C8orf34: variants seen among roughly 807,000 people sequenced by gnomAD.
C8orf34 encodes the protein uncharacterized protein C8orf34.
A neutral mutation model predicts 68.3 loss-of-function variants in C8orf34; 65 were observed. That is an observed-to-expected ratio of 0.95 (90% CI 0.78 to 1.17). The LOEUF is 1.17. Ranked by LOEUF, C8orf34 falls within the 50% of genes most tolerant of loss-of-function variation. The pLI is 0.00. For missense variants in C8orf34, 664 were observed against 655.4 expected (o/e 1.01, Z -0.14); for synonymous variants, 244 against 241.2 (o/e 1.01, Z -0.11).
chr8:68,706,521 C>A lies in C8orf34; in HGVS notation c.1242-2473C>A, dbSNP rs554737261. The stretch of plus-strand genomic sequence containing the variant: ...ATGGAGATTTGTTAATATTTGGTTG[C>A]GTAGAAAGTGTTAAGGAGAGTGACA... On this transcript the variant is annotated intron_variant, in intron 8 of 13. Transcript: ENST00000518698. Among the ~76,000 whole-genome samples, 3 of 152,042 alleles carry A rather than the reference C, an allele frequency of 2.0e-5. No individual in the cohort carries two copies. The East Asian group carries it at 5.8e-4, about 29-fold the overall frequency.
At chr8:68,407,446 T>C (rs758537357) in intron 1 of C8orf34, among the ~76,000 whole-genome samples, 20 of 152,140 alleles carry the variant, frequency 1.3e-4, no homozygotes, top group Non-Finnish European at 1.5e-5. Flanking sequence ...GTTTTACTGA[T>C]GAGAAATTTG....
At chr8:68,785,543 A>G (rs1469373116) in intron 11 of C8orf34, among the ~76,000 whole-genome samples, 1 of 152,206 alleles carries the variant, frequency 6.6e-6, no homozygotes, top group African/African-American at 2.4e-5. Flanking sequence ...TGGTCTTACA[A>G]ACTCCACTCA....
intron 12 of C8orf34, among the ~76,000 whole-genome samples, chr8:68,800,624 A>G (rs1759504815): frequency 6.6e-6 from 1 of 152,290 alleles, no homozygotes; most frequent in African/African-American, 2.4e-5. Context: ...ACTACTTCCT[A>G]TAAATGGATT....
chr8:68,593,108 G>A (rs750468410), intron 7 of C8orf34, among the ~76,000 whole-genome samples: 2 of 151,958 alleles, frequency 1.3e-5, no homozygotes, highest in African/African-American at 2.4e-5. Context: ...TCATCAATTG[G>A]AAATATTTGC....
chr8:68,359,682 A>T (rs1005467973), intron 1 of C8orf34, among the ~76,000 whole-genome samples: 5 of 152,174 alleles, frequency 3.3e-5, no homozygotes, highest in African/African-American at 1.2e-4. Flanking sequence ...TAAAGAGCTG[A>T]AAAAACATTG....
chr8:68,540,085 G>A (rs1815643265), intron 7 of C8orf34, among the ~76,000 whole-genome samples: 1 of 151,862 alleles, frequency 6.6e-6, no homozygotes, highest in Non-Finnish European at 1.5e-5. Context: ...TTTTAAAAAT[G>A]TCTTATGTTC....
At chr8:68,475,429 G>T (rs370172998) in intron 4 of C8orf34, among the ~76,000 whole-genome samples, 152 of 152,266 alleles carry the variant, frequency 1.0e-3, no homozygotes, top group African/African-American at 3.4e-3. Flanking sequence ...CACATAACTT[G>T]GTTATGGTTT....
At chr8:68,785,727 A>G (rs1398795393) in intron 11 of C8orf34, among the ~76,000 whole-genome samples, 2 of 152,214 alleles carry the variant, frequency 1.3e-5, no homozygotes, top group Non-Finnish European at 2.9e-5. Context: ...TTATGGTATA[A>G]AATTCTATGG....
intron 12 of C8orf34, among the ~76,000 whole-genome samples, chr8:68,799,923 A>T (rs987353822): frequency 1.9e-4 from 29 of 152,206 alleles, no homozygotes; most frequent in African/African-American, 5.8e-4. Context: ...CAAGAAGGTC[A>T]TATAGGCAAG....
intron 1 of C8orf34, among the ~76,000 whole-genome samples, chr8:68,394,663 A>G (rs968338524): frequency 1.3e-5 from 2 of 152,084 alleles, no homozygotes; most frequent in African/African-American, 4.8e-5. Context: ...GATGAATTTC[A>G]TCTTGATTTG....
At chr8:68,473,483 A>G (rs1198789162) in intron 4 of C8orf34, among the ~76,000 whole-genome samples, 1 of 152,142 alleles carries the variant, frequency 6.6e-6, no homozygotes, top group Admixed American at 6.5e-5. Flanking sequence ...ACCATTTTGA[A>G]CATCCCTAGT....
intron 12 of C8orf34, among the ~76,000 whole-genome samples, chr8:68,806,533 C>T (rs1214255701): frequency 6.6e-6 from 1 of 151,956 alleles, no homozygotes; most frequent in Non-Finnish European, 1.5e-5. Context: ...ATTATTACTA[C>T]TAATAATATT....
At chr8:68,598,820 G>T (rs1049931529) in intron 7 of C8orf34, among the ~76,000 whole-genome samples, 2 of 152,104 alleles carry the variant, frequency 1.3e-5, no homozygotes, top group African/African-American at 4.8e-5. Flanking sequence ...TGAAAATGTT[G>T]TAGATTGTAA....
chr8:68,530,045 T>C (rs1815178512), intron 6 of C8orf34, among the ~76,000 whole-genome samples: 1 of 152,016 alleles, frequency 6.6e-6, no homozygotes, highest in Non-Finnish European at 1.5e-5. Context: ...ACATAAAATA[T>C]ATTTGGTAAG....
chr8:68,601,487 G>A (rs1423622409), intron 7 of C8orf34, among the ~76,000 whole-genome samples: 1 of 151,840 alleles, frequency 6.6e-6, no homozygotes, highest in Non-Finnish European at 1.5e-5. Context: ...TTTATTCTCT[G>A]TCATCTCCAC....
intron 1 of C8orf34, among the ~76,000 whole-genome samples, chr8:68,377,079 G>A (rs537961885): frequency 1.3e-5 from 2 of 152,120 alleles, no homozygotes. Context: ...AGCCCTGAAT[G>A]TGAGAAGAGC....
At chr8:68,338,111 A>G (rs193243970) in intron 1 of C8orf34, among the ~76,000 whole-genome samples, 3 of 152,130 alleles carry the variant, frequency 2.0e-5, no homozygotes, top group African/African-American at 7.2e-5. Context: ...GAAGTCCAAG[A>G]TCATGGTGCT....
intron 4 of C8orf34, among the ~76,000 whole-genome samples, chr8:68,476,671 G>A (rs980787930): frequency 2.0e-5 from 3 of 152,078 alleles, no homozygotes; most frequent in Non-Finnish European, 4.4e-5. Context: ...AGTAGATTTG[G>A]GGGAAAACCA....
At chr8:68,749,557 A>G (rs1459498918) in intron 10 of C8orf34, among the ~76,000 whole-genome samples, 2 of 138,758 alleles carry the variant, frequency 1.4e-5, no homozygotes, top group Non-Finnish European at 3.2e-5. Context: ...AGACACTGTC[A>G]TCACCCCAGC....
Sources: gnomAD v4.1 joint callset for allele counts (sites outside exome capture counted in the v4.1 genomes callset) on GRCh38, gnomAD v4.1.1 for gene constraint, MANE v1.5 for transcripts, NCBI Gene and HGNC (gene_info 2026-07-23, HGNC 2026-07-21) for gene names.